Variants in DDAH1 observed in about 807,000 individuals in gnomAD.
DDAH1 encodes the protein dimethylarginine dimethylaminohydrolase 1, also known as N(G),N(G)-dimethylarginine dimethylaminohydrolase 1.
A neutral mutation model predicts 28.8 loss-of-function variants in DDAH1; 19 were observed. That is an observed-to-expected ratio of 0.66 (90% CI 0.46 to 0.97). The LOEUF is 0.97. DDAH1 is among the 50% of genes least tolerant of loss of function. The pLI is 0.00. For missense variants in DDAH1, 326 were observed against 375.9 expected, an observed-to-expected ratio of 0.87 and a Z score of 1.10; for synonymous variants, 153 against 154.4, an observed-to-expected ratio of 0.99 and a Z score of 0.07.
chr1:85,469,498 CAAAGTGCTTAA>C (rs1394215331), upstream of DDAH1, among the ~76,000 whole-genome samples: 1 of 152,188 alleles, frequency 6.6e-6, no homozygotes, highest in Non-Finnish European at 1.5e-5. Flanking sequence ...GTTAATATTG[CAAAGTGCTTAA>C]AAAGTGCATA....
chr1:85,465,247 C>A (rs1199038618), upstream of DDAH1: 2 of 1,086,218 alleles, frequency 1.8e-6, no homozygotes, highest in Non-Finnish European at 2.2e-6. Context: ...GCGCGCATCC[C>A]GCGCGCCCAC....
At chr1:85,414,573 A>C (rs770919102) in intron 1 of DDAH1, among the ~76,000 whole-genome samples, 1 of 152,200 alleles carries the variant, frequency 6.6e-6, no homozygotes, top group African/African-American at 2.4e-5. Context: ...TCTGAAAAAG[A>C]GAAACAACTC....
chr1:85,443,102 A>G (rs943053549), intron 1 of DDAH1, among the ~76,000 whole-genome samples: 1 of 152,194 alleles, frequency 6.6e-6, no homozygotes, highest in Non-Finnish European at 1.5e-5. Flanking sequence ...GTCCTTGCCT[A>G]TGCCTATGTC....
At chr1:85,410,172 A>G (rs1378330971) in intron 1 of DDAH1, among the ~76,000 whole-genome samples, 3 of 152,078 alleles carry the variant, frequency 2.0e-5, no homozygotes, top group Non-Finnish European at 4.4e-5. Context: ...TCCCAGCTAC[A>G]CGGGAGGCCG....
chr1:85,536,948 CATAT>C (rs202209648), intron 1 of DDAH1, among the ~76,000 whole-genome samples: 3,114 of 91,660 alleles, frequency 0.034, 52 homozygotes, highest in African/African-American at 0.047. Flanking sequence ...GAAAATGTGG[CATAT>C]ATATATATAT....
chr1:85,545,598 G>A (rs1469561108), intron 1 of DDAH1, among the ~76,000 whole-genome samples: 1 of 152,188 alleles, frequency 6.6e-6, no homozygotes, highest in African/African-American at 2.4e-5. Flanking sequence ...GGAAAGAGGT[G>A]TATATGAGAG....
At chr1:85,334,232 C>T (rs567036703) in intron 4 of DDAH1, among the ~76,000 whole-genome samples, 2 of 152,256 alleles carry the variant, frequency 1.3e-5, no homozygotes, top group South Asian at 4.2e-4. Context: ...CTTTGCTTCC[C>T]CTTTGCCTTC....
At chr1:85,462,729 C>G (rs142260002) in intron 1 of DDAH1, among the ~76,000 whole-genome samples, 596 of 152,334 alleles carry the variant, frequency 3.9e-3, no homozygotes, top group African/African-American at 0.013. Flanking sequence ...CCATCCAACA[C>G]TGACTGCCCA....
chr1:85,334,531 C>T (rs550645270), intron 4 of DDAH1, among the ~76,000 whole-genome samples: 47 of 152,214 alleles, frequency 3.1e-4, no homozygotes, highest in Non-Finnish European at 5.3e-4. Context: ...CAGATTTCCC[C>T]CTTACTGTTC....
intron 1 of DDAH1, among the ~76,000 whole-genome samples, chr1:85,414,931 T>C (rs1224060429): frequency 1.4e-5 from 2 of 144,314 alleles, no homozygotes; most frequent in Non-Finnish European, 3.0e-5. Flanking sequence ...TTTTAAAAAA[T>C]AGAAGGAAAA....
chr1:85,383,261 G>C (rs1651088233), intron 1 of DDAH1, among the ~76,000 whole-genome samples: 1 of 152,160 alleles, frequency 6.6e-6, no homozygotes, highest in African/African-American at 2.4e-5. Flanking sequence ...AAGTTTGGAA[G>C]AACCTGATTC....
intron 1 of DDAH1, among the ~76,000 whole-genome samples, chr1:85,496,977 G>A (rs540327109): frequency 6.6e-6 from 1 of 152,144 alleles, no homozygotes; most frequent in African/African-American, 2.4e-5. Flanking sequence ...AGGAACAAAG[G>A]CTATTTACAG....
At chr1:85,390,186 CTAATTAGGAA>C (rs1651478507) in intron 1 of DDAH1, among the ~76,000 whole-genome samples, 1 of 152,202 alleles carries the variant, frequency 6.6e-6, no homozygotes, top group Non-Finnish European at 1.5e-5. Flanking sequence ...TACCTTATGG[CTAATTAGGAA>C]GAGACAAATG....
chr1:85,562,766 G>A (rs1260169124), intron 1 of DDAH1, among the ~76,000 whole-genome samples: 14 of 152,142 alleles, frequency 9.2e-5, no homozygotes, highest in South Asian at 2.1e-4. Flanking sequence ...CTAACACCTT[G>A]ATTTCAGACT....
chr1:85,408,260 C>T (rs1462978917), intron 1 of DDAH1, among the ~76,000 whole-genome samples: 1 of 151,246 alleles, frequency 6.6e-6, no homozygotes, highest in Non-Finnish European at 1.5e-5. Flanking sequence ...CTTCTTCTTC[C>T]TCATCTTTCC....
In DDAH1 at chr1:85,330,635, G is replaced by A. The variant is rs186835894; in HGVS notation, c.598-5752C>T. Among the ~76,000 whole-genome samples, 11 of 152,286 alleles carry A rather than the reference G, an allele frequency of 7.2e-5. No individual in the cohort carries two copies. The East Asian group carries it at 2.1e-3, about 29-fold the overall frequency. On this transcript the variant is annotated intron_variant, in intron 4 of 5. Transcript: ENST00000284031. Reference sequence around the variant, plus strand: ...ACTCAACTCTGAATGATACAAATGAGTTCTACAGGATTTGGGGGAAAGATC... The same window carrying A: ...ACTCAACTCTGAATGATACAAATGAATTCTACAGGATTTGGGGGAAAGATC...
chr1:85,481,151 G>A (rs1428523607), intron 2 of DDAH1, among the ~76,000 whole-genome samples: 4 of 132,470 alleles, frequency 3.0e-5, no homozygotes, highest in Non-Finnish European at 6.1e-5. Flanking sequence ...AAGCTGGTGT[G>A]TAGTGGTGCA....
At chr1:85,456,682 A>G (rs2100680182) in intron 1 of DDAH1, among the ~76,000 whole-genome samples, 1 of 152,360 alleles carries the variant, frequency 6.6e-6, no homozygotes, top group South Asian at 2.1e-4. Flanking sequence ...GATATTGCCA[A>G]CTTAAGATAC....
intron 2 of DDAH1, among the ~76,000 whole-genome samples, chr1:85,475,156 G>A (rs139969953): frequency 6.6e-6 from 1 of 152,194 alleles, no homozygotes; most frequent in Non-Finnish European, 1.5e-5. Flanking sequence ...TACAATCCTG[G>A]TCAATTAACT....
Sources: gnomAD v4.1 joint callset for allele counts (sites outside exome capture counted in the v4.1 genomes callset) on GRCh38, gnomAD v4.1.1 for gene constraint, MANE v1.5 for transcripts, NCBI Gene and HGNC (gene_info 2026-07-23, HGNC 2026-07-21) for gene names.